The following ISOC1 variants were observed in gnomAD, a reference collection of about 807,000 sequenced individuals.
The protein encoded by ISOC1 is isochorismatase domain-containing protein 1.
A neutral mutation model predicts 30.0 loss-of-function variants in ISOC1; 33 were observed. The ratio of observed to expected loss-of-function variants is 1.10; its 90% CI spans 0.83 to 1.47. The LOEUF is 1.47. Ranked by LOEUF, ISOC1 falls within the 40% of genes most tolerant of loss-of-function variation. The pLI, the probability that ISOC1 is intolerant of heterozygous loss-of-function variation, is 0.00. For missense variants in ISOC1, 372 were observed against 388.0 expected (o/e 0.96, Z 0.35); for synonymous variants, 178 against 159.8 (o/e 1.11, Z -0.86).
At chr5:129,095,614 C>T (rs1370744881) in intron 1 of ISOC1, among the ~76,000 whole-genome samples, 1 of 152,202 alleles carries the variant, frequency 6.6e-6, no homozygotes, top group South Asian at 2.1e-4. Flanking sequence ...AGTTCCCTAA[C>T]CTTAAGCAAA....
chr5:129,096,810 G>A (rs999984849), intron 1 of ISOC1, among the ~76,000 whole-genome samples: 1 of 152,104 alleles, frequency 6.6e-6, no homozygotes, highest in African/African-American at 2.4e-5. Context: ...TTGGAGGGAG[G>A]CTGGGCTCTT....
intron 1 of ISOC1, among the ~76,000 whole-genome samples, chr5:129,101,192 A>AAAAAAAAAAAAAAAAAATAT (rs1554064627): frequency 2.4e-5 from 1 of 42,238 alleles, no homozygotes; most frequent in African/African-American, 1.8e-4. Flanking sequence ...AAAAAAAAAA[A>AAAAAAAAAAAAAAAAAATAT]ATATATATAT....
rs1237190788 is a variant in ISOC1 at position 129,094,956 on chromosome 5, A to G, written c.190A>G (p.Met64Val). 11 of 1,612,124 alleles carry G rather than the reference A, an allele frequency of 6.8e-6. No homozygotes were observed. Among genetic ancestry groups the G allele is most frequent in the Non-Finnish European group, 9.3e-6 (11 of 1,179,850 alleles). ...FLSLYGDQID[M>V]HRKFVVQLFA... ...CAGCCTGTACGGCGACCAGATCGAC[A>G]TGCACCGCAAATTCGTGGTGCAGCT... is the stretch of plus-strand genomic sequence containing the variant. Residue 64 changes from methionine to valine, a missense_variant, in exon 1 of 5, where the codon ATG (methionine) becomes GTG (valine). Physicochemically the swap from Met to Val is conservative, Grantham distance 21. Coordinates refer to ENST00000173527, the MANE Select transcript of ISOC1 (RefSeq NM_016048.2).
chr5:129,110,085 C>G (rs961988447), intron 4 of ISOC1, among the ~76,000 whole-genome samples: 4 of 152,094 alleles, frequency 2.6e-5, no homozygotes, highest in African/African-American at 9.7e-5. Context: ...CCTTGTACTT[C>G]CGGGGAGTTT....
Position 129,094,836 on chromosome 5 carries a change from G to C in ISOC1, c.70G>C (p.Gly24Arg), listed in dbSNP as rs1192344112. The C allele has an allele frequency of 1.3e-6, 2 of 1,555,984 alleles. No individual in the cohort carries two copies. The highest frequency in any genetic ancestry group is 1.7e-6 in the Non-Finnish European group (2 of 1,153,760). The change falls in exon 1 of 5, where the codon GGC (glycine) becomes CGC (arginine). Residue 24 changes from glycine to arginine, a missense_variant. By Grantham distance (125) the Gly-to-Arg change is moderately radical. Coordinates refer to ENST00000173527, the MANE Select transcript of ISOC1 (RefSeq NM_016048.2). ...SGAGGAGAPSGTVPVLFCFSV... is the reference protein window; with the variant it reads ...SGAGGAGAPSRTVPVLFCFSV... ...CGCCGGGGGCGCGGGGGCGCCGTCGGGCACAGTCCCGGTGCTCTTCTGTTT... is the reference window on the plus strand; with the variant it reads ...CGCCGGGGGCGCGGGGGCGCCGTCGCGCACAGTCCCGGTGCTCTTCTGTTT...
chr5:129,112,536 T>G (rs1217907059), intron 4 of ISOC1, among the ~76,000 whole-genome samples: 1 of 152,122 alleles, frequency 6.6e-6, no homozygotes, highest in African/African-American at 2.4e-5. Flanking sequence ...CAACCATTCC[T>G]TTTCTCTCTC....
chr5:129,105,306 A>C lies in ISOC1; in HGVS notation c.551A>C (p.Lys184Thr), dbSNP rs745647702. 1 of 1,613,816 alleles carries C rather than the reference A, an allele frequency of 6.2e-7. No individual in the cohort carries two copies. Among genetic ancestry groups the C allele is most frequent in the Non-Finnish European group, 8.5e-7 (1 of 1,179,882 alleles). The change falls in exon 3 of 5, where the codon AAG becomes ACG. Residue 184 changes from lysine to threonine, a missense_variant. Physicochemically the swap from Lys to Thr is moderately conservative, Grantham distance 78 (BLOSUM62 -1). Coordinates refer to ENST00000173527, the MANE Select transcript of ISOC1 (RefSeq NM_016048.2). ...GTAAAACTGGTACTTCCAAAGACCA[A>C]GTTTTCAATGGTATTACCAGAAGTA... ...TGVKLVLPKTKFSMVLPEVEA... is the reference protein window; with the variant it reads ...TGVKLVLPKTTFSMVLPEVEA...
chr5:129,105,274 A>G lies in ISOC1; in HGVS notation c.519A>G (p.Leu173=). 1 of 1,613,928 alleles carries G rather than the reference A, an allele frequency of 6.2e-7. No individual in the cohort carries two copies. Among genetic ancestry groups the G allele is most frequent in the Non-Finnish European group, 8.5e-7 (1 of 1,179,868 alleles). ...GLGSTVQEID[L]TGVKLVLPKT... is the part of the protein sequence containing the mutation. ...GGAGCACGGTTCAAGAAATTGATTT[A>G]ACAGGTGTAAAACTGGTACTTCCAA... Residue 173 remains leucine (L), a synonymous_variant, in exon 3 of 5, where the codon TTA becomes TTG. Transcript: ENST00000173527.
rs181496795 is a variant in ISOC1 at position 129,099,886 on chromosome 5, G to A, written c.309+4811G>A. 9.7e-4 allele frequency among the ~76,000 whole-genome samples: 147 copies of A among 152,252 alleles called. 5 individuals carry two copies. The highest frequency in any genetic ancestry group is 1.8e-3 in the Admixed American group (28 of 15,284). ...TTTTTCTTGCTGTGTTACAGATAAG[G>A]AAATTGCATATGGAGATATTTACCT... On this transcript the variant is annotated intron_variant, in intron 1 of 4. Transcript: ENST00000173527.
chr5:129,101,161 C>CAAAAAAAAAAAAAA (rs1156603818), intron 1 of ISOC1, among the ~76,000 whole-genome samples: 3 of 19,500 alleles, frequency 1.5e-4, no homozygotes, highest in Non-Finnish European at 2.6e-4. Flanking sequence ...CTCAGCTAAT[C>CAAAAAAAAAAAAAA]AAAAAAAAAA....
intron 4 of ISOC1, among the ~76,000 whole-genome samples, chr5:129,109,444 T>C (rs1753678108): frequency 6.6e-6 from 1 of 152,204 alleles, no homozygotes; most frequent in African/African-American, 2.4e-5. Context: ...GCTTTTTTTG[T>C]TGTTACTGAT....
chr5:129,096,663 C>T (rs774894398), intron 1 of ISOC1, among the ~76,000 whole-genome samples: 1 of 152,198 alleles, frequency 6.6e-6, no homozygotes, highest in Non-Finnish European at 1.5e-5. Context: ...AGTCCTTTTA[C>T]GTTACTGCTG....
intron 4 of ISOC1, 91 bp from the exon 5 acceptor site, chr5:129,112,764 T>A: frequency 7.2e-7 from 1 of 1,398,278 alleles, no homozygotes; most frequent in Non-Finnish European, 9.8e-7. Context: ...TAGAGGACAC[T>A]AATTATTGCA....
rs1297355623 is a variant in ISOC1, at chr5:129,101,803, C to T, written c.310-3153C>T. On this transcript the variant is annotated intron_variant, in intron 1 of 4. Coordinates refer to ENST00000173527, the MANE Select transcript of ISOC1 (RefSeq NM_016048.2). ...TAGGATACCAATTACATTTTGTTGTCTTGTCTCCTTTGGCTCCTCTAGTCT... is the reference window on the plus strand; with the variant it reads ...TAGGATACCAATTACATTTTGTTGTTTTGTCTCCTTTGGCTCCTCTAGTCT... Among the ~76,000 whole-genome samples, 3 of 152,152 alleles carry T rather than the reference C, an allele frequency of 2.0e-5. No individual in the cohort carries two copies. The East Asian group carries it at 5.8e-4, about 29-fold the overall frequency.
Position 129,113,004 on chromosome 5 carries a change from C to T in ISOC1, c.*3C>T, listed in dbSNP as rs1241974225. ...CGGGTCTGCTTTCCAAAGTATAGGACATTTGAAGAACTGGTATGCTACTCA... is the reference window on the plus strand; with the variant it reads ...CGGGTCTGCTTTCCAAAGTATAGGATATTTGAAGAACTGGTATGCTACTCA... On this transcript the variant is annotated 3_prime_UTR_variant, in exon 5 of 5. Transcript: ENST00000173527. The T allele has an allele frequency of 1.6e-5, 25 of 1,609,350 alleles. No individual in the cohort carries two copies. The highest frequency in any genetic ancestry group is 1.9e-5 in the Non-Finnish European group (22 of 1,177,714).
At chr5:129,110,957 G>T (rs1753699311) in intron 4 of ISOC1, among the ~76,000 whole-genome samples, 2 of 152,288 alleles carry the variant, frequency 1.3e-5, no homozygotes, top group East Asian at 3.9e-4. Context: ...AAGGAAGGCA[G>T]GGCTGAGCAG....
chr5:129,106,682 G>A (rs759612591), intron 3 of ISOC1, among the ~76,000 whole-genome samples: 4 of 152,150 alleles, frequency 2.6e-5, no homozygotes, highest in Non-Finnish European at 5.9e-5. Flanking sequence ...ACAAATTCTT[G>A]TAAAACTCTA....
At chr5:129,101,952 T>C (rs139114024) in intron 1 of ISOC1, among the ~76,000 whole-genome samples, 8 of 152,220 alleles carry the variant, frequency 5.3e-5, no homozygotes, top group African/African-American at 1.9e-4. Context: ...TGGATCGGGG[T>C]TGTGAAATTT....
At chr5:129,096,582 T>C (rs1414554584) in intron 1 of ISOC1, among the ~76,000 whole-genome samples, 1 of 152,214 alleles carries the variant, frequency 6.6e-6, no homozygotes, top group African/African-American at 2.4e-5. Flanking sequence ...AGTTCTTAGG[T>C]GCTTAAGACT....
Sources: gnomAD v4.1 joint callset for allele counts (sites outside exome capture counted in the v4.1 genomes callset) on GRCh38, gnomAD v4.1.1 for gene constraint, MANE v1.5 for transcripts, NCBI Gene and HGNC (gene_info 2026-07-23, HGNC 2026-07-21) for gene names.